ZNF385D: variants seen among roughly 807,000 people sequenced by gnomAD.
The protein encoded by ZNF385D is zinc finger protein 385D.
A neutral mutation model predicts 35.8 loss-of-function variants in ZNF385D; 15 were observed. The ratio of observed to expected loss-of-function variants is 0.42; its 90% CI spans 0.28 to 0.64. The LOEUF (loss-of-function observed/expected upper bound fraction) is 0.64, where lower values mean the gene tolerates loss of function less well. ZNF385D is among the 30% of genes least tolerant of loss of function. ZNF385D has a pLI of 0.23. For synonymous variants in ZNF385D, 212 were observed against 186.8 expected, an observed-to-expected ratio of 1.13 and a Z score of -1.10; for missense variants, 474 against 494.6, an observed-to-expected ratio of 0.96 and a Z score of 0.39.
At chr3:21,840,831 T>C (rs922929400) in intron 3 of ZNF385D, among the ~76,000 whole-genome samples, 4 of 151,966 alleles carry the variant, frequency 2.6e-5, no homozygotes, top group Non-Finnish European at 5.9e-5. Context: ...ACTTATTATA[T>C]TGAAAATGCT....
At chr3:21,768,887 C>A (rs1340418166) in intron 3 of ZNF385D, among the ~76,000 whole-genome samples, 2 of 148,840 alleles carry the variant, frequency 1.3e-5, no homozygotes, top group African/African-American at 4.9e-5. Context: ...TTTTTGGAGT[C>A]AGACATTAAA....
chr3:21,802,978 T>C (rs1373624703), intron 3 of ZNF385D, among the ~76,000 whole-genome samples: 1 of 152,080 alleles, frequency 6.6e-6, no homozygotes, highest in African/African-American at 2.4e-5. Context: ...CGAGTGGAAA[T>C]TTGGATAAAT....
At chr3:22,252,864 G>A (rs552619831) in intron 2 of ZNF385D, among the ~76,000 whole-genome samples, 1 of 152,160 alleles carries the variant, frequency 6.6e-6, no homozygotes, top group East Asian at 1.9e-4. Context: ...CAATCAAGAG[G>A]CACACTGGCG....
intron 3 of ZNF385D, among the ~76,000 whole-genome samples, chr3:22,162,994 C>T (rs761364555): frequency 3.9e-5 from 6 of 152,064 alleles, no homozygotes; most frequent in Non-Finnish European, 7.4e-5. Flanking sequence ...TGAGGTTAGC[C>T]TGTGATAGAA....
intron 3 of ZNF385D, among the ~76,000 whole-genome samples, chr3:22,066,601 G>A (rs997504364): frequency 1.0e-4 from 15 of 148,340 alleles, no homozygotes; most frequent in African/African-American, 3.7e-4. Context: ...GATACTGGGT[G>A]AGATGGTTCC....
At position 21,721,002 on chromosome 3, in the gene ZNF385D, G is replaced by A. The variant is rs10865772; in HGVS notation, c.22+29893C>T. On this transcript the variant is annotated intron_variant, in intron 1 of 7. Coordinates refer to ENST00000281523, the MANE Select transcript of ZNF385D (RefSeq NM_024697.3). ...TGTGCTAAATGACACGCTTTGCTTAGAATTTCTTCTATTTAATTTTTAAAA... is the reference window on the plus strand; with the variant it reads ...TGTGCTAAATGACACGCTTTGCTTAAAATTTCTTCTATTTAATTTTTAAAA... Among the ~76,000 whole-genome samples, 616 of 152,198 alleles carry A rather than the reference G, an allele frequency of 4.0e-3. 34 individuals carry two copies. In the East Asian group the frequency reaches 0.094, roughly 23 times the overall value.
intron 3 of ZNF385D, among the ~76,000 whole-genome samples, chr3:22,121,157 G>A (rs1021188980): frequency 1.3e-5 from 2 of 152,168 alleles, no homozygotes; most frequent in African/African-American, 4.8e-5. Context: ...GCCAAAATCT[G>A]AAGAAGCATA....
At chr3:22,034,227 G>T (rs1698182191) in intron 3 of ZNF385D, among the ~76,000 whole-genome samples, 1 of 152,128 alleles carries the variant, frequency 6.6e-6, no homozygotes, top group Admixed American at 6.5e-5. Context: ...AAGTTCTCGT[G>T]AATGAAATTA....
Position 22,125,567 on chromosome 3 carries a change from T to C in ZNF385D, c.325+43250A>G, listed in dbSNP as rs74499687. On this transcript the variant is annotated intron_variant, in intron 3 of 5. Transcript: ENST00000494108. Reference sequence around the variant, plus strand: ...GAACATTCTAATCCATAAACATAGATTATCTTTCCATTTTTATGTGTCATC... The same window carrying C: ...GAACATTCTAATCCATAAACATAGACTATCTTTCCATTTTTATGTGTCATC... Among the ~76,000 whole-genome samples, 176 of 152,226 alleles carry C rather than the reference T, an allele frequency of 1.2e-3. 1 individual carries two copies. Among genetic ancestry groups the C allele is most frequent in the African/African-American group, 3.9e-3 (164 of 41,566 alleles).
rs77544417 is a variant in ZNF385D at position 21,629,723 on chromosome 3, T to C, written c.165+35163A>G. On this transcript the variant is annotated intron_variant, in intron 2 of 7. Coordinates refer to ENST00000281523, the MANE Select transcript of ZNF385D (RefSeq NM_024697.3). ...AAGCTCTGTTTGCCACTGGTTCCCATGGTTTACCAGAGAATGGAATCTAAG... is the reference window on the plus strand; with the variant it reads ...AAGCTCTGTTTGCCACTGGTTCCCACGGTTTACCAGAGAATGGAATCTAAG... Among the ~76,000 whole-genome samples, 1,349 of 152,256 alleles carry C rather than the reference T, an allele frequency of 8.9e-3. 26 individuals carry two copies. The highest frequency in any genetic ancestry group is 0.032 in the African/African-American group (1,313 of 41,562).
At chr3:21,846,156 T>C (rs1695994392) in intron 3 of ZNF385D, among the ~76,000 whole-genome samples, 1 of 152,052 alleles carries the variant, frequency 6.6e-6, no homozygotes, top group Admixed American at 6.6e-5. Flanking sequence ...ATGTCTTAGA[T>C]ATAACTGTAC....
intron 5 of ZNF385D, among the ~76,000 whole-genome samples, chr3:21,428,831 G>A (rs1418719829): frequency 6.6e-6 from 1 of 151,470 alleles, no homozygotes; most frequent in African/African-American, 2.4e-5. Context: ...TAAAAGGCTG[G>A]TACTGACAAA....
At chr3:21,688,772 A>G (rs2067188394) in intron 1 of ZNF385D, among the ~76,000 whole-genome samples, 2 of 152,280 alleles carry the variant, frequency 1.3e-5, no homozygotes, top group Non-Finnish European at 2.9e-5. Flanking sequence ...AAATGACACA[A>G]AGAGAGATTT....
chr3:21,508,778 A>G (rs1366890873), intron 4 of ZNF385D, among the ~76,000 whole-genome samples: 2 of 152,182 alleles, frequency 1.3e-5, no homozygotes, highest in Non-Finnish European at 2.9e-5. Flanking sequence ...ACTTTGGAAT[A>G]CTGACTTCCA....
chr3:22,008,513 C>A (rs971261667), intron 3 of ZNF385D, among the ~76,000 whole-genome samples: 3 of 152,034 alleles, frequency 2.0e-5, no homozygotes, highest in Non-Finnish European at 4.4e-5. Context: ...CCCGCCACCT[C>A]TCCCTGCTAA....
At chr3:22,322,084 ACT>A (rs767402957) in intron 2 of ZNF385D, among the ~76,000 whole-genome samples, 2 of 151,872 alleles carry the variant, frequency 1.3e-5, no homozygotes, top group Non-Finnish European at 2.9e-5. Flanking sequence ...CTGTCACCAA[ACT>A]CTGATTAGTG....
chr3:22,368,831 A>T (rs1282234953), intron 2 of ZNF385D, among the ~76,000 whole-genome samples: 1 of 152,188 alleles, frequency 6.6e-6, no homozygotes, highest in African/African-American at 2.4e-5. Context: ...TAAACATTCA[A>T]TCCATAGCAG....
chr3:21,983,032 G>C lies in ZNF385D; in HGVS notation c.325+185785C>G, dbSNP rs1259067103. On this transcript the variant is annotated intron_variant, in intron 3 of 5. Coordinates refer to the ZNF385D transcript ENST00000494108. The stretch of plus-strand genomic sequence containing the variant: ...GATTTTTACATTGATGTTTATCAAG[G>C]ATATTGGGCTGAAGTTTTCTTTTTT... 1.5e-4 allele frequency among the ~76,000 whole-genome samples: 23 copies of C among 151,916 alleles called. 1 individual carries two copies. The highest frequency in any genetic ancestry group is 2.9e-4 in the Non-Finnish European group (20 of 67,970).
At chr3:22,348,462 A>C (rs1695758697) in intron 2 of ZNF385D, among the ~76,000 whole-genome samples, 1 of 146,388 alleles carries the variant, frequency 6.8e-6, no homozygotes, top group South Asian at 2.2e-4. Flanking sequence ...AGCCTGACCA[A>C]CATGGAGAAA....
Sources: allele counts gnomAD v4.1 joint callset (sites outside exome capture counted in the v4.1 genomes callset), GRCh38; gene constraint gnomAD v4.1.1; transcripts MANE v1.5; gene names NCBI Gene and HGNC (gene_info 2026-07-23, HGNC 2026-07-21).